The following LAMB3 variants were observed in gnomAD, a reference collection of about 807,000 sequenced individuals.
The protein encoded by LAMB3 is laminin subunit beta 3, also known as laminin subunit beta-3.
A neutral mutation model predicts 140.3 loss-of-function variants in LAMB3; 104 were observed. The ratio of observed to expected loss-of-function variants is 0.74; its 90% CI spans 0.63 to 0.87. The LOEUF is 0.87. Among genes scored for constraint, LAMB3 ranks in the 40% least tolerant of loss-of-function variants. LAMB3 has a pLI of 0.00. For missense variants in LAMB3, 1,531 were observed against 1,575.2 expected, an observed-to-expected ratio of 0.97 and a Z score of 0.47; for synonymous variants, 592 against 602.9, an observed-to-expected ratio of 0.98 and a Z score of 0.26.
Position 209,626,952 on chromosome 1 carries a change from T to G in LAMB3, c.1512A>C (p.Glu504Asp), listed in dbSNP as rs917569647. 1 of 1,613,644 alleles carries G rather than the reference T, an allele frequency of 6.2e-7. No individual in the cohort carries two copies. Among genetic ancestry groups the G allele is most frequent in the Non-Finnish European group, 8.5e-7 (1 of 1,179,858 alleles). Residue 504 changes from glutamate (E) to aspartate (D), a missense_variant, in exon 13 of 23, where the codon GAA (glutamate) becomes GAC (aspartate). Physicochemically the swap from Glu to Asp is conservative, Grantham distance 45. Coordinates refer to ENST00000356082, the MANE Select transcript of LAMB3 (RefSeq NM_000228.3). ...CGCTGCACATCAGGCCACCAAAGCC[T>G]TCCCGACAGGGGCACTGCCCTGTGA... ...NQFTGQCPCR[E>D]GFGGLMCSAA...
At chr1:209,642,948 G>A (rs1224763667) in intron 3 of LAMB3, among the ~76,000 whole-genome samples, 5 of 152,278 alleles carry the variant, frequency 3.3e-5, no homozygotes, top group South Asian at 2.1e-4. Context: ...TTCTGTCCAC[G>A]TGTGCAGGCA....
Position 209,633,088 on chromosome 1 carries a change from G to C in LAMB3, c.610C>G (p.Gln204Glu), listed in dbSNP as rs1037861699. 6.2e-7 allele frequency: 1 copy of C among 1,612,126 alleles called. No homozygotes were observed. Among genetic ancestry groups the C allele is most frequent in the Non-Finnish European group, 8.5e-7 (1 of 1,178,192 alleles). The change falls in exon 7 of 23, where the codon CAA becomes GAA. Residue 204 changes from glutamine to glutamate, a missense_variant. Physicochemically the swap from Gln to Glu is conservative, Grantham distance 29. Coordinates refer to ENST00000356082, the MANE Select transcript of LAMB3 (RefSeq NM_000228.3). ...CACTGACCTTGAATTTTTTGACTTT[G>C]AGTTGCTGGAATCCCAGACACTAAA... ...MDLVSGIPAT[Q>E]SQKIQEVGEI...
chr1:209,621,452 C>T (rs1666189587), intron 18 of LAMB3, among the ~76,000 whole-genome samples: 1 of 152,180 alleles, frequency 6.6e-6, no homozygotes, highest in African/African-American at 2.4e-5. Context: ...CTATCTGGGG[C>T]AAAAACACTG....
intron 8 of LAMB3, 59 bp downstream of exon 8, chr1:209,632,524 G>T: frequency 7.3e-7 from 1 of 1,377,392 alleles, no homozygotes; most frequent in Non-Finnish European, 1.0e-6. Context: ...CCCCAAGAAT[G>T]TCTGTAGTCT....
chr1:209,627,886 G>T (rs985710020), intron 11 of LAMB3, 149 bp downstream of exon 11: 11 of 1,072,734 alleles, frequency 1.0e-5, no homozygotes, highest in Non-Finnish European at 1.4e-5. Flanking sequence ...CAAGAAGTCC[G>T]GACTCCTGGC....
intron 5 of LAMB3, 24 bp downstream of exon 5, chr1:209,637,884 C>A: frequency 6.3e-7 from 1 of 1,596,878 alleles, no homozygotes; most frequent in East Asian, 2.2e-5. Context: ...CTCTCCTATC[C>A]ACTGCCACCC....
At chr1:209,619,910 G>A (rs756630290) in intron 18 of LAMB3, among the ~76,000 whole-genome samples, 4 of 152,210 alleles carry the variant, frequency 2.6e-5, no homozygotes, top group African/African-American at 7.2e-5. Flanking sequence ...CAGCATAACT[G>A]TGGTTGAGTT....
chr1:209,638,718 T>TCCTGCCC, intron 3 of LAMB3, 70 bp from the exon 4 acceptor site: 1 of 913,334 alleles, frequency 1.1e-6, no homozygotes, highest in Non-Finnish European at 1.8e-6. Flanking sequence ...CGTCCTGAGA[T>TCCTGCCC]CCCAGCATAT....
intron 3 of LAMB3, among the ~76,000 whole-genome samples, chr1:209,649,514 C>G (rs2298928): frequency 2.6e-5 from 4 of 151,972 alleles, no homozygotes; most frequent in Non-Finnish European, 5.9e-5. Flanking sequence ...TGGATAAGCT[C>G]AAGTCACTTC....
At chr1:209,621,441 C>T (rs1381863049) in intron 18 of LAMB3, among the ~76,000 whole-genome samples, 1 of 152,174 alleles carries the variant, frequency 6.6e-6, no homozygotes, top group Admixed American at 6.5e-5. Context: ...GGGACTTCGG[C>T]CTATCTGGGG....
chr1:209,634,141 G>A (rs773536494), intron 6 of LAMB3, among the ~76,000 whole-genome samples: 4 of 152,148 alleles, frequency 2.6e-5, no homozygotes, highest in Non-Finnish European at 5.9e-5. Flanking sequence ...AAGTAGGGTC[G>A]ATTTCATCTT....
intron 17 of LAMB3, 28 bp downstream of exon 17, chr1:209,622,954 G>A: frequency 6.2e-7 from 1 of 1,610,298 alleles, no homozygotes. Context: ...CCTCCTACCT[G>A]TGCCCACCCC....
intron 3 of LAMB3, 121 bp from the exon 4 acceptor site, chr1:209,638,769 A>G (rs1010590623): frequency 1.4e-6 from 1 of 706,676 alleles, no homozygotes; most frequent in Non-Finnish European, 2.6e-6. Context: ...CACTAATTTT[A>G]TTAATACAAT....
At chr1:209,622,349 A>G (rs1482418730) in intron 18 of LAMB3, among the ~76,000 whole-genome samples, 187 bp downstream of exon 18, 1 of 152,104 alleles carries the variant, frequency 6.6e-6, no homozygotes, top group Non-Finnish European at 1.5e-5. Context: ...GTCACAAGGG[A>G]TTGGAGTGGG....
intron 3 of LAMB3, among the ~76,000 whole-genome samples, chr1:209,639,997 C>T (rs2076453589): frequency 6.6e-6 from 1 of 152,208 alleles, no homozygotes; most frequent in African/African-American, 2.4e-5. Flanking sequence ...AACCTCCCTG[C>T]CCAACACCCA....
chr1:209,619,243 C>T lies in LAMB3; in HGVS notation c.2702-584G>A, dbSNP rs79356806. Among the ~76,000 whole-genome samples, 19 of 152,330 alleles carry T rather than the reference C, an allele frequency of 1.2e-4. 1 individual carries two copies. The East Asian group carries it at 3.7e-3, about 29-fold the overall frequency. On this transcript the variant is annotated intron_variant, in intron 18 of 22. Coordinates refer to ENST00000356082, the MANE Select transcript of LAMB3 (RefSeq NM_000228.3). ...ACCTTATCGTCCCTCCCTGCCTTATCTTTCTGTCTAGCACTTGCACCACCC... is the reference window on the plus strand; with the variant it reads ...ACCTTATCGTCCCTCCCTGCCTTATTTTTCTGTCTAGCACTTGCACCACCC...
At chr1:209,645,360 TA>T in intron 3 of LAMB3, among the ~76,000 whole-genome samples, 1 of 152,256 alleles carries the variant, frequency 6.6e-6, no homozygotes, top group Admixed American at 6.5e-5. Context: ...TCCAAAACAG[TA>T]AACTCCCAAG....
chr1:209,629,966 C>A (rs1013808267), intron 9 of LAMB3, 41 bp from the exon 10 acceptor site: 1 of 1,582,944 alleles, frequency 6.3e-7, no homozygotes, highest in Non-Finnish European at 8.7e-7. Flanking sequence ...TGACCCACAC[C>A]TTTGCTATCT....
intron 20 of LAMB3, 48 bp from the exon 21 acceptor site, chr1:209,617,634 C>T (rs375309843): frequency 8.6e-5 from 138 of 1,604,890 alleles, no homozygotes; most frequent in South Asian, 6.6e-4. Context: ...TCTCATAGGT[C>T]GGGGGGTTCA....
Sources: allele counts gnomAD v4.1 joint callset (sites outside exome capture counted in the v4.1 genomes callset), GRCh38; gene constraint gnomAD v4.1.1; transcripts MANE v1.5; gene names NCBI Gene and HGNC (gene_info 2026-07-23, HGNC 2026-07-21).